MACROD2: variants seen among roughly 807,000 people sequenced by gnomAD.
The protein encoded by MACROD2 is mono-ADP ribosylhydrolase 2, also known as ADP-ribose glycohydrolase MACROD2.
A neutral mutation model predicts 70.4 loss-of-function variants in MACROD2; 36 were observed. That is an observed-to-expected ratio of 0.51 (90% CI 0.39 to 0.68). MACROD2 has a LOEUF of 0.68. Ranked by LOEUF, MACROD2 falls within the 30% of genes least tolerant of loss-of-function variation. The pLI is 0.00. For missense variants in MACROD2, 496 were observed against 538.4 expected (o/e 0.92, Z 0.78); for synonymous variants, 172 against 178.8 (o/e 0.96, Z 0.30).
At chr20:14,455,468 T>C (rs2084291145) in intron 3 of MACROD2, among the ~76,000 whole-genome samples, 1 of 151,880 alleles carries the variant, frequency 6.6e-6, no homozygotes, top group African/African-American at 2.4e-5. Context: ...TTGGTAAATC[T>C]AAATCAACAT....
At chr20:15,118,989 G>C (rs1475727399) in intron 5 of MACROD2, among the ~76,000 whole-genome samples, 1 of 152,164 alleles carries the variant, frequency 6.6e-6, no homozygotes, top group African/African-American at 2.4e-5. Context: ...ATGTAAAACA[G>C]GTTTGGCATG....
chr20:14,120,955 G>A lies in MACROD2; in HGVS notation c.271+35227G>A, dbSNP rs576088739. Among the ~76,000 whole-genome samples the A allele has an allele frequency of 1.9e-4, 29 of 151,472 alleles. No homozygotes were observed. In the East Asian group the frequency reaches 5.1e-3, roughly 27 times the overall value. ...ACTTAGAGGATGGGTCAATAGGTGC[G>A]ACAAACCATCATTACACATGTATAC... is the stretch of plus-strand genomic sequence containing the variant. On this transcript the variant is annotated intron_variant, in intron 3 of 17. Transcript: ENST00000684519.
At chr20:15,520,359 C>T (rs2047636070) in intron 8 of MACROD2, among the ~76,000 whole-genome samples, 1 of 152,174 alleles carries the variant, frequency 6.6e-6, no homozygotes, top group Admixed American at 6.5e-5. Flanking sequence ...TGGAGACCTT[C>T]CCCAACATGG....
At chr20:14,396,855 G>A (rs1032519803) in intron 3 of MACROD2, among the ~76,000 whole-genome samples, 1 of 147,324 alleles carries the variant, frequency 6.8e-6, no homozygotes, top group African/African-American at 2.5e-5. Context: ...AACCCAGGAG[G>A]TGGAGCTTGC....
intron 5 of MACROD2, among the ~76,000 whole-genome samples, chr20:14,986,080 A>G (rs1165997003): frequency 6.6e-6 from 1 of 152,244 alleles, no homozygotes; most frequent in African/African-American, 2.4e-5. Flanking sequence ...CTCAGTGGAC[A>G]CAGACATCAT....
At chr20:15,788,297 G>C (rs1203405804) in intron 8 of MACROD2, among the ~76,000 whole-genome samples, 1 of 152,128 alleles carries the variant, frequency 6.6e-6, no homozygotes, top group African/African-American at 2.4e-5. Flanking sequence ...GTTGTTGTGG[G>C]TATACTTTAA....
intron 3 of MACROD2, among the ~76,000 whole-genome samples, chr20:14,230,686 T>TATATATAAAAAACACAGGCTGGGCCC (rs2081800919): frequency 8.3e-6 from 1 of 120,946 alleles, no homozygotes; most frequent in Non-Finnish European, 1.7e-5. Flanking sequence ...TATATATATA[T>TATATATAAAAAACACAGGCTGGGCCC]ATATATATAT....
intron 4 of MACROD2, among the ~76,000 whole-genome samples, chr20:14,518,139 C>T (rs959465293): frequency 6.6e-6 from 1 of 151,908 alleles, no homozygotes; most frequent in Non-Finnish European, 1.5e-5. Context: ...ATTATACCTC[C>T]ATTATGAAAT....
At chr20:15,045,031 T>C (rs1363595571) in intron 5 of MACROD2, among the ~76,000 whole-genome samples, 1 of 152,160 alleles carries the variant, frequency 6.6e-6, no homozygotes, top group Non-Finnish European at 1.5e-5. Flanking sequence ...AGAGGCTGAA[T>C]TGAAGCTTTT....
Position 15,893,012 on chromosome 20 carries a change from T to A in MACROD2, c.775+7201T>A, listed in dbSNP as rs1459674337. On this transcript the variant is annotated intron_variant, in intron 10 of 17. Coordinates refer to ENST00000684519, the MANE Select transcript of MACROD2 (RefSeq NM_001351661.2). ...AATGTTCGAAAGACTCTAGCGAGGGTAAGTCCTGTCCCTCCTTCCTTTAGA... is the reference window on the plus strand; with the variant it reads ...AATGTTCGAAAGACTCTAGCGAGGGAAAGTCCTGTCCCTCCTTCCTTTAGA... 1.5e-5 allele frequency: 6 copies of A among 399,004 alleles called. No individual in the cohort carries two copies. The East Asian group carries it at 2.1e-4, about 14-fold the overall frequency. 24.7% of individuals were successfully genotyped at this position (399,004 alleles called of 1,614,324 possible).
intron 5 of MACROD2, among the ~76,000 whole-genome samples, chr20:15,185,190 A>G (rs576562794): frequency 1.1e-4 from 17 of 152,192 alleles, no homozygotes; most frequent in Non-Finnish European, 2.4e-4. Flanking sequence ...CATTTGTCAA[A>G]TTGATGAATG....
chr20:14,026,198 C>T (rs1335969362), intron 2 of MACROD2, among the ~76,000 whole-genome samples: 4 of 152,070 alleles, frequency 2.6e-5, no homozygotes, highest in Non-Finnish European at 4.4e-5. Flanking sequence ...TCCATTTGCT[C>T]GTTAAATCTT....
At chr20:15,084,687 A>T (rs1035586464) in intron 5 of MACROD2, among the ~76,000 whole-genome samples, 2 of 152,168 alleles carry the variant, frequency 1.3e-5, no homozygotes, top group Admixed American at 6.5e-5. Flanking sequence ...GAATAATTTT[A>T]GATGTGGAAA....
intron 10 of MACROD2, among the ~76,000 whole-genome samples, chr20:15,918,564 G>A (rs1300320282): frequency 6.6e-6 from 1 of 152,142 alleles, no homozygotes; most frequent in African/African-American, 2.4e-5. Flanking sequence ...ACTTCTAGAA[G>A]CAAAAATCTT....
chr20:14,929,431 G>C (rs551618675), intron 5 of MACROD2: 8 of 152,370 alleles, frequency 5.3e-5, no homozygotes, highest in South Asian at 2.1e-4. Context: ...AAAGAACGGG[G>C]TATGTGGGAA....
chr20:14,337,905 G>A (rs1470814841), intron 3 of MACROD2, among the ~76,000 whole-genome samples: 1 of 152,124 alleles, frequency 6.6e-6, no homozygotes, highest in East Asian at 1.9e-4. Context: ...TAAAAAGCAT[G>A]TTAGAAAGAT....
At chr20:15,955,022 A>G (rs2065957290) in intron 12 of MACROD2, among the ~76,000 whole-genome samples, 1 of 152,184 alleles carries the variant, frequency 6.6e-6, no homozygotes, top group Admixed American at 6.6e-5. Flanking sequence ...TTAAAAAAGG[A>G]TTACATTGAA....
At chr20:14,161,623 C>T (rs573974007) in intron 3 of MACROD2, among the ~76,000 whole-genome samples, 1 of 149,824 alleles carries the variant, frequency 6.7e-6, no homozygotes, top group South Asian at 2.1e-4. Flanking sequence ...GTCGCCCAGG[C>T]TGAAGTGCAG....
intron 5 of MACROD2, among the ~76,000 whole-genome samples, chr20:15,189,732 T>C (rs929254950): frequency 1.6e-4 from 25 of 152,210 alleles, no homozygotes; most frequent in African/African-American, 5.8e-4. Context: ...ACTTATATCT[T>C]GAGGAGAAAA....
Sources: gnomAD v4.1 joint callset for allele counts (sites outside exome capture counted in the v4.1 genomes callset) on GRCh38, gnomAD v4.1.1 for gene constraint, MANE v1.5 for transcripts, NCBI Gene and HGNC (gene_info 2026-07-23, HGNC 2026-07-21) for gene names.